The following RBAK variants were observed in gnomAD, a reference collection of about 807,000 sequenced individuals.
RBAK encodes RB associated KRAB zinc finger.
Under a neutral mutation model 65.8 loss-of-function variants are expected in RBAK, and 39 were observed. The ratio of observed to expected loss-of-function variants is 0.59; its 90% CI spans 0.46 to 0.77. The LOEUF (loss-of-function observed/expected upper bound fraction) is 0.77. RBAK is among the 30% of genes least tolerant of loss of function. The pLI is 0.00. For missense variants in RBAK, 884 were observed against 855.1 expected, an observed-to-expected ratio of 1.03 and a Z score of -0.42; for synonymous variants, 343 against 289.7, an observed-to-expected ratio of 1.18 and a Z score of -1.87.
Position 5,065,529 on chromosome 7 carries a change from A to T in RBAK, c.2073A>T (p.Arg691Ser). ...AGTGTGGGAAAAAATTCCACCACAG[A>T]TCAGCCTTCAATAGCCATCAGAGAA... ...CNECGKKFHH[R>S]SAFNSHQRIH... is the part of the protein sequence containing the mutation. The change falls in exon 5 of 5, where the codon AGA becomes AGT. Residue 691 changes from arginine to serine, a missense_variant. By Grantham distance (110) the Arg-to-Ser change is moderately radical. Transcript: ENST00000396912. The surrounding 1 kb of genome is among the most constrained non-coding windows in gnomAD (Gnocchi z 5.3). 1.2e-6 allele frequency: 2 copies of T among 1,601,664 alleles called. No homozygotes were observed. The highest frequency in any genetic ancestry group is 1.7e-6 in the Non-Finnish European group (2 of 1,174,716).
intron 2 of RBAK, among the ~76,000 whole-genome samples, chr7:5,055,246 ATGTG>A (rs71535173): frequency 0.28 from 41,218 of 146,794 alleles, 5,811 homozygotes; most frequent in Middle Eastern, 0.35. Context: ...TGAGGCATAA[ATGTG>A]TGTGTGTGTG....
intron 2 of RBAK, 60 bp from the exon 3 acceptor site, chr7:5,057,235 A>G (rs1778945833): frequency 1.9e-6 from 3 of 1,610,572 alleles, no homozygotes; most frequent in South Asian, 2.2e-5. Flanking sequence ...GGGCTTTGTA[A>G]AACGTTATCC....
intron 2 of RBAK, among the ~76,000 whole-genome samples, chr7:5,054,822 A>G (rs1788189805): frequency 6.6e-6 from 1 of 152,110 alleles, no homozygotes. Context: ...GTGTCAGCTT[A>G]TCTAGTTCCA....
Position 5,046,164 on chromosome 7 carries a change from G to A in RBAK, c.-277G>A, listed in dbSNP as rs1397654269. 4.7e-6 allele frequency: 2 copies of A among 426,786 alleles called. No homozygotes were observed. The highest frequency in any genetic ancestry group is 9.3e-6 in the Non-Finnish European group (2 of 215,112). 26.4% of individuals were successfully genotyped at this position (426,786 alleles called of 1,614,324 possible). On this transcript the variant is annotated 5_prime_UTR_variant, in exon 1 of 5. Transcript: ENST00000396912. Reference sequence around the variant, plus strand: ...CGCGGGCCTGGCCCGTGTGTGTCCTGGCGGCCTGGCCCAGGCTGCCGCTGT... The same window carrying A: ...CGCGGGCCTGGCCCGTGTGTGTCCTAGCGGCCTGGCCCAGGCTGCCGCTGT...
chr7:5,064,887 A>G lies in RBAK; in HGVS notation c.1431A>G (p.Lys477=), dbSNP rs764356759. ...ATTCAGCCTTCATTAGACATCGGAA[A>G]GTACACACAGAAGAGAAATCCCATG... ...NLNSAFIRHR[K]VHTEEKSHEC... is the part of the protein sequence containing the mutation. The change falls in exon 5 of 5, where the codon AAA becomes AAG. Residue 477 remains lysine, a synonymous_variant. Coordinates refer to ENST00000396912, the MANE Select transcript of RBAK (RefSeq NM_021163.4). The surrounding 1 kb of genome is among the most constrained non-coding windows in gnomAD (Gnocchi z 6.3). 1.5e-5 allele frequency: 25 copies of G among 1,613,898 alleles called. No homozygotes were observed. The highest frequency in any genetic ancestry group is 2.2e-5 in the East Asian group (1 of 44,892).
intron 2 of RBAK, among the ~76,000 whole-genome samples, chr7:5,055,094 TC>T (rs959586755): frequency 6.6e-6 from 1 of 151,984 alleles, no homozygotes; most frequent in African/African-American, 2.4e-5. Context: ...TTTTACTTTT[TC>T]TTAGTTATAT....
At chr7:5,055,794 G>C (rs1000215845) in intron 2 of RBAK, among the ~76,000 whole-genome samples, 5 of 151,870 alleles carry the variant, frequency 3.3e-5, no homozygotes, top group African/African-American at 1.2e-4. Flanking sequence ...CTCTCTCTCG[G>C]TGATTTTATC....
rs559597057 is a variant in RBAK, at chr7:5,065,406, C to G, written c.1950C>G (p.Pro650=). Residue 650 remains proline (P), a synonymous_variant, in exon 5 of 5, where the codon CCC becomes CCG. Coordinates refer to ENST00000396912, the MANE Select transcript of RBAK (RefSeq NM_021163.4). The surrounding 1 kb of genome is among the most constrained non-coding windows in gnomAD (Gnocchi z 5.3). ...VHYRSHSGEK[P]YECNECGKVF... ...ACAGAAGCCATTCAGGAGAGAAACC[C>G]TATGAATGTAATGAATGTGGGAAAG... 1.9e-6 allele frequency: 3 copies of G among 1,613,868 alleles called. No individual in the cohort carries two copies. In the South Asian group the frequency reaches 3.3e-5, roughly 18 times the overall value.
rs757752401 is a variant in RBAK at position 5,057,676 on chromosome 7, AT to A, written c.143-6del. ...TTCCCCAAGTCCTCCTTCTTTTCCC[AT>A]TAACAGGATATGATACCACCAAGCC... On this transcript the variant is annotated splice_region_variant and splice_polypyrimidine_tract_variant and intron_variant, in intron 3 of 4. Transcript: ENST00000396912. 17 of 1,613,772 alleles carry A rather than the reference AT, an allele frequency of 1.1e-5. No individual in the cohort carries two copies. Among genetic ancestry groups the A allele is most frequent in the Non-Finnish European group, 1.3e-5 (15 of 1,179,796 alleles).
chr7:5,056,330 C>T (rs1300425341), intron 2 of RBAK, among the ~76,000 whole-genome samples: 2 of 151,620 alleles, frequency 1.3e-5, no homozygotes, highest in Non-Finnish European at 2.9e-5. Context: ...GTTGCCCAAG[C>T]TGGTCTCGAA....
chr7:5,059,149 A>C (rs1218939096), intron 4 of RBAK, among the ~76,000 whole-genome samples: 1 of 152,168 alleles, frequency 6.6e-6, no homozygotes, highest in Non-Finnish European at 1.5e-5. Context: ...GAGCGTCAGC[A>C]CATTCTGTTT....
intron 4 of RBAK, among the ~76,000 whole-genome samples, chr7:5,060,708 G>A (rs1779049251): frequency 6.6e-6 from 1 of 152,240 alleles, no homozygotes; most frequent in Admixed American, 6.5e-5. Context: ...GCTTCCAGGA[G>A]CAGAAGATGT....
rs1397087793 is a variant in RBAK at position 5,064,956 on chromosome 7, C to G, written c.1500C>G (p.Asp500Glu). ...AGTTCTCTCAGTTGTATCTCACCGACCATCATACAGCTCATTTAGAAGAGA... is the reference window on the plus strand; with the variant it reads ...AGTTCTCTCAGTTGTATCTCACCGAGCATCATACAGCTCATTTAGAAGAGA... Reference protein sequence around the residue: ...CGKFSQLYLTDHHTAHLEEKP... With the variant: ...CGKFSQLYLTEHHTAHLEEKP... Residue 500 changes from aspartate to glutamate, a missense_variant, in exon 5 of 5, where the codon GAC becomes GAG. Transcript: ENST00000396912. The surrounding 1 kb of genome is among the most constrained non-coding windows in gnomAD (Gnocchi z 6.3). 6.2e-7 allele frequency: 1 copy of G among 1,613,746 alleles called. No individual in the cohort carries two copies.
At position 5,048,952 on chromosome 7, in the gene RBAK, A is replaced by G. The variant is rs559252444; in HGVS notation, c.15+861A>G. Among the ~76,000 whole-genome samples the G allele has an allele frequency of 3.9e-5, 6 of 152,328 alleles. No individual in the cohort carries two copies. Among genetic ancestry groups the G allele is most frequent in the African/African-American group, 1.2e-4 (5 of 41,582 alleles). On this transcript the variant is annotated intron_variant, in intron 2 of 4. Coordinates refer to ENST00000396912, the MANE Select transcript of RBAK (RefSeq NM_021163.4). The surrounding 1 kb of genome is among the most constrained non-coding windows in gnomAD (Gnocchi z 4.4). ...CAGCACCAAAAGGGAAATTGCCCCC[A>G]TGATCCAATCACCTCCCACCAGGCC...
rs902436959 is a variant in RBAK at position 5,046,153 on chromosome 7, G to T, written c.-288G>T. The T allele has an allele frequency of 4.9e-6, 2 of 411,814 alleles. No individual in the cohort carries two copies. The highest frequency in any genetic ancestry group is 1.8e-5 in the South Asian group (1 of 56,846). 25.5% of individuals were successfully genotyped at this position (411,814 alleles called of 1,614,324 possible). On this transcript the variant is annotated 5_prime_UTR_variant, in exon 1 of 5. Transcript: ENST00000396912. ...GGGCGGCGGGACGCGGGCCTGGCCCGTGTGTGTCCTGGCGGCCTGGCCCAG... is the reference window on the plus strand; with the variant it reads ...GGGCGGCGGGACGCGGGCCTGGCCCTTGTGTGTCCTGGCGGCCTGGCCCAG...
intron 4 of RBAK, among the ~76,000 whole-genome samples, chr7:5,060,943 T>C (rs549238070): frequency 1.3e-5 from 2 of 152,152 alleles, no homozygotes; most frequent in Non-Finnish European, 2.9e-5. Flanking sequence ...AAAATAAAAG[T>C]ACATCATAGG....
At position 5,064,005 on chromosome 7, in the gene RBAK, T is replaced by G; in HGVS notation, c.549T>G (p.Asn183Lys). The change falls in exon 5 of 5, where the codon AAT (asparagine) becomes AAG (lysine). Residue 183 changes from asparagine to lysine, a missense_variant. Asn to Lys is a moderately conservative substitution (Grantham distance 94). Coordinates refer to ENST00000396912, the MANE Select transcript of RBAK (RefSeq NM_021163.4). This position sits in a 1 kb window ranked among gnomAD's most constrained non-coding sequence, Gnocchi z 6.3. Reference protein sequence around the residue: ...HGEKMCEFNQNGDTYSHNEEN... With the variant: ...HGEKMCEFNQKGDTYSHNEEN... ...AGAAAATGTGTGAATTTAATCAAAA[T>G]GGGGATACCTATTCTCACAATGAAG... 1 of 1,613,764 alleles carries G rather than the reference T, an allele frequency of 6.2e-7. No homozygotes were observed. The highest frequency in any genetic ancestry group is 1.7e-5 in the Admixed American group (1 of 59,986).
At chr7:5,049,841 A>G (rs899525117) in intron 2 of RBAK, among the ~76,000 whole-genome samples, 4 of 152,062 alleles carry the variant, frequency 2.6e-5, no homozygotes, top group African/African-American at 4.8e-5. Context: ...CTCCTGCCTC[A>G]GCCTCCTGCA....
intron 2 of RBAK, among the ~76,000 whole-genome samples, chr7:5,055,901 A>C (rs1289767896): frequency 6.6e-6 from 1 of 152,002 alleles, no homozygotes; most frequent in East Asian, 1.9e-4. Context: ...CTTGGGATCT[A>C]CATGGTCCTA....
Sources: gnomAD v4.1 joint callset for allele counts (sites outside exome capture counted in the v4.1 genomes callset) on GRCh38, gnomAD v4.1.1 for gene constraint, Gnocchi (gnomAD v3.1) non-coding constraint, MANE v1.5 for transcripts, NCBI Gene and HGNC (gene_info 2026-07-23, HGNC 2026-07-21) for gene names.